SLC5A8: variants seen among roughly 807,000 people sequenced by gnomAD.
The protein encoded by SLC5A8 is solute carrier family 5 member 8.
SLC5A8 carries 55 observed loss-of-function variants against 71.9 expected under a neutral mutation model. That is an observed-to-expected ratio of 0.77 (90% confidence interval 0.62 to 0.96). SLC5A8 has a LOEUF of 0.96. SLC5A8 is among the 40% of genes least tolerant of loss of function. The pLI is 0.00. For missense variants in SLC5A8, 701 were observed against 745.3 expected (o/e 0.94, Z 0.69); for synonymous variants, 307 against 276.1 (o/e 1.11, Z -1.11).
At chr12:101,158,598 C>CTCTCTCTCTATATATATATA (rs1411795424) in intron 13 of SLC5A8, among the ~76,000 whole-genome samples, 3 of 21,238 alleles carry the variant, frequency 1.4e-4, no homozygotes, top group Non-Finnish European at 2.6e-4. Context: ...CTCTCTCTCT[C>CTCTCTCTCTATATATATATA]TATATATATA....
chr12:101,175,721 A>G (rs1357782439), intron 10 of SLC5A8, among the ~76,000 whole-genome samples: 2 of 152,146 alleles, frequency 1.3e-5, no homozygotes, highest in Non-Finnish European at 1.5e-5. Context: ...TGATAGAGAC[A>G]AAAAGAAAGT....
intron 1 of SLC5A8, among the ~76,000 whole-genome samples, chr12:101,206,752 A>G (rs904476448): frequency 5.3e-5 from 8 of 152,232 alleles, no homozygotes; most frequent in Non-Finnish European, 1.0e-4. Flanking sequence ...TATAAATAAC[A>G]AAGAAACATA....
At chr12:101,182,511 G>A (rs188253194) in intron 9 of SLC5A8, among the ~76,000 whole-genome samples, 192 of 152,250 alleles carry the variant, frequency 1.3e-3, no homozygotes, top group African/African-American at 4.5e-3. Flanking sequence ...ATTTAGGATA[G>A]GATGAAGGCA....
At position 101,209,959 on chromosome 12, in the gene SLC5A8, C is replaced by A. The variant is rs1389655988; in HGVS notation, c.-111G>T. 2.9e-6 allele frequency: 3 copies of A among 1,037,334 alleles called. No individual in the cohort carries two copies. The highest frequency in any genetic ancestry group is 2.7e-6 in the Non-Finnish European group (2 of 753,936). The allele number at this position is 1,037,334 out of a possible 1,614,324, so 64.3% of individuals were successfully genotyped here. On this transcript the variant is annotated 5_prime_UTR_variant, in exon 1 of 15. Transcript: ENST00000536262. ...TCCCTGGCGCGCAGGCGTGGCGTCC[C>A]GCGGGGACTGGAGGCGTCCTCCAGG... is the stretch of plus-strand genomic sequence containing the variant.
At chr12:101,189,849 T>G (rs957561872) in intron 6 of SLC5A8, among the ~76,000 whole-genome samples, 2 of 152,202 alleles carry the variant, frequency 1.3e-5, no homozygotes, top group African/African-American at 4.8e-5. Context: ...AAAAGGAACT[T>G]ACATATACTA....
chr12:101,158,348 T>C lies in SLC5A8; in HGVS notation c.1631-20A>G, dbSNP rs774952706. On this transcript the variant is annotated intron_variant, in intron 13 of 14. Transcript: ENST00000536262. ...TTCCTCCTGGAAAAAAAAATGTACATGACTTACGTTGTTAAAAAGGACACC... is the reference window on the plus strand; with the variant it reads ...TTCCTCCTGGAAAAAAAAATGTACACGACTTACGTTGTTAAAAAGGACACC... The C allele has an allele frequency of 3.3e-6, 5 of 1,498,318 alleles. No individual in the cohort carries two copies. The African/African-American group carries it at 4.3e-5, about 13-fold the overall frequency. The allele number at this position is 1,498,318 out of a possible 1,614,324, so 92.8% of individuals were successfully genotyped here.
At chr12:101,187,634 T>C in intron 6 of SLC5A8, 119 bp from the exon 7 acceptor site, 1 of 1,089,454 alleles carries the variant, frequency 9.2e-7, no homozygotes, top group Non-Finnish European at 1.3e-6. Context: ...GTACATTATC[T>C]TTTGATTATC....
intron 6 of SLC5A8, among the ~76,000 whole-genome samples, chr12:101,188,247 C>T (rs1484621691): frequency 6.6e-6 from 1 of 152,162 alleles, no homozygotes; most frequent in Non-Finnish European, 1.5e-5. Flanking sequence ...TATCATATAG[C>T]ATGGTACTTA....
intron 5 of SLC5A8, 70 bp from the exon 6 acceptor site, chr12:101,190,678 A>G (rs1373039911): frequency 1.4e-6 from 2 of 1,437,300 alleles, no homozygotes; most frequent in Non-Finnish European, 1.8e-6. Context: ...CTTAGACTAT[A>G]TTTGGAAGCA....
At chr12:101,200,898 G>C (rs1049079828) in intron 3 of SLC5A8, among the ~76,000 whole-genome samples, 1 of 152,098 alleles carries the variant, frequency 6.6e-6, no homozygotes, top group African/African-American at 2.4e-5. Flanking sequence ...TTTCAATTCA[G>C]TTAAATAAGC....
intron 1 of SLC5A8, among the ~76,000 whole-genome samples, chr12:101,207,451 A>G (rs546390347): frequency 6.6e-6 from 1 of 152,352 alleles, no homozygotes; most frequent in African/African-American, 2.4e-5. Flanking sequence ...AGTGCCTGGC[A>G]TGTGTTCAGC....
chr12:101,161,349 G>T (rs925606659), intron 13 of SLC5A8, among the ~76,000 whole-genome samples: 1 of 152,100 alleles, frequency 6.6e-6, no homozygotes, highest in Non-Finnish European at 1.5e-5. Context: ...GGGGCTAAGA[G>T]AATTCATAGA....
In SLC5A8 at chr12:101,156,681, T is replaced by C. The variant is rs2051665415; in HGVS notation, c.*598A>G. On this transcript the variant is annotated 3_prime_UTR_variant, in exon 15 of 15. Transcript: ENST00000536262. ...ACAGCACCAAGAAGACTTTGATCAT[T>C]GGGCCCACGGTCTTTCCCAGCCAGA... The C allele has an allele frequency of 2.0e-5, 3 of 152,244 alleles. No homozygotes were observed. Among genetic ancestry groups the C allele is most frequent in the Admixed American group, 6.5e-5 (1 of 15,278 alleles). The allele number at this position is 152,244 out of a possible 1,614,324, so 9.4% of individuals were successfully genotyped here.
intron 5 of SLC5A8, among the ~76,000 whole-genome samples, chr12:101,192,034 AG>A (rs1417983279): frequency 6.6e-6 from 1 of 152,206 alleles, no homozygotes; most frequent in South Asian, 2.1e-4. Context: ...GGAGCAATCA[AG>A]AGTAGTCATT....
At chr12:101,182,159 G>T (rs1868398328) in intron 9 of SLC5A8, among the ~76,000 whole-genome samples, 1 of 152,178 alleles carries the variant, frequency 6.6e-6, no homozygotes, top group Admixed American at 6.5e-5. Flanking sequence ...CGATTGAACA[G>T]AACAGAAGTT....
chr12:101,157,183 A>AAC lies in SLC5A8; in HGVS notation c.*94_*95dup, dbSNP rs55796436. 0.15 allele frequency: 207,837 copies of AAC among 1,386,670 alleles called. 9,336 individuals are homozygous for AAC. The highest frequency in any genetic ancestry group is 0.25 in the African/African-American group (17,342 of 68,712). The allele number at this position is 1,386,670 out of a possible 1,614,324, so 85.9% of individuals were successfully genotyped here. A position where few individuals can be genotyped will look rare whatever the true frequency, so the allele number is the denominator to read the frequency against. ...CTTATCCCCCAAACACTCATGATAC[A>AAC]ACACACACACACACACAAAGAAAAC... is the stretch of plus-strand genomic sequence containing the variant. On this transcript the variant is annotated 3_prime_UTR_variant, in exon 15 of 15. Transcript: ENST00000536262.
chr12:101,207,580 G>T (rs1023993498), intron 1 of SLC5A8, among the ~76,000 whole-genome samples: 1 of 152,144 alleles, frequency 6.6e-6, no homozygotes, highest in Non-Finnish European at 1.5e-5. Context: ...GCCCCGAAGA[G>T]GCATGGGTCA....
intron 1 of SLC5A8, among the ~76,000 whole-genome samples, chr12:101,205,900 A>G (rs1484820669): frequency 6.6e-6 from 1 of 152,218 alleles, no homozygotes; most frequent in African/African-American, 2.4e-5. Context: ...AACACAGAGT[A>G]AGACCTCACT....
intron 1 of SLC5A8, 37 bp from the exon 2 acceptor site, chr12:101,204,602 T>G: frequency 6.8e-7 from 1 of 1,469,514 alleles, no homozygotes; most frequent in Non-Finnish European, 9.3e-7. Flanking sequence ...ATCCTCTGGA[T>G]GCCTTTTTTA....
Sources: gnomAD v4.1 joint callset for allele counts (sites outside exome capture counted in the v4.1 genomes callset) on GRCh38, gnomAD v4.1.1 for gene constraint, MANE v1.5 for transcripts, NCBI Gene and HGNC (gene_info 2026-07-23, HGNC 2026-07-21) for gene names.